Variants in RBFOX1 observed in about 807,000 individuals in gnomAD.
RBFOX1 encodes RNA binding fox-1 homolog 1.
In RBFOX1, 8 loss-of-function variants were observed where a neutral mutation model predicts 57.7. That is an observed-to-expected ratio of 0.14 (90% CI 0.08 to 0.25). RBFOX1 has a LOEUF of 0.25. Among genes scored for constraint, RBFOX1 ranks in the 10% least tolerant of loss-of-function variants. The probability of loss-of-function intolerance (pLI) is 1.00; values close to 1 mark genes in which losing one functional copy is unlikely to be tolerated. For missense variants in RBFOX1, 611 were observed against 548.5 expected, an observed-to-expected ratio of 1.11 and a Z score of -1.14; for synonymous variants, 326 against 222.4, an observed-to-expected ratio of 1.47 and a Z score of -4.15.
At chr16:5,897,016 C>CTATTTTTTTTT (rs2058182153) in intron 4 of RBFOX1, among the ~76,000 whole-genome samples, 7 of 56,460 alleles carry the variant, frequency 1.2e-4, no homozygotes, top group African/African-American at 5.4e-4. Context: ...TATCCATCCG[C>CTATTTTTTTTT]TTTTTTTTTT....
upstream of RBFOX1, among the ~76,000 whole-genome samples, chr16:6,015,471 T>C (rs537505608): frequency 2.0e-5 from 3 of 152,322 alleles, no homozygotes; most frequent in South Asian, 6.2e-4. Flanking sequence ...CCACTGCCTG[T>C]GGTAAAGCAA....
intron 4 of RBFOX1, among the ~76,000 whole-genome samples, chr16:7,078,572 C>A (rs1185309555): frequency 1.3e-5 from 2 of 151,824 alleles, no homozygotes; most frequent in African/African-American, 2.4e-5. Context: ...GGTCTCGAAA[C>A]CCTGGCCTCA....
intron 4 of RBFOX1, among the ~76,000 whole-genome samples, chr16:7,511,275 C>G (rs958666449): frequency 6.6e-6 from 1 of 152,220 alleles, no homozygotes; most frequent in Non-Finnish European, 1.5e-5. Flanking sequence ...CTGGCTACCA[C>G]TCTTGTTTCT....
At chr16:5,245,245 A>G (rs1358906441) in intron 1 of RBFOX1, among the ~76,000 whole-genome samples, 2 of 152,130 alleles carry the variant, frequency 1.3e-5, no homozygotes, top group Non-Finnish European at 2.9e-5. Context: ...TTACGGACCT[A>G]TCAGGTACTG....
At position 7,200,613 on chromosome 16, in the gene RBFOX1, C is replaced by T. The variant is rs570258420; in HGVS notation, c.27+148515C>T. Among the ~76,000 whole-genome samples, 22 of 152,146 alleles carry T rather than the reference C, an allele frequency of 1.4e-4. 1 individual carries two copies. Among genetic ancestry groups the T allele is most frequent in the Non-Finnish European group, 2.4e-4 (16 of 68,028 alleles). On this transcript the variant is annotated intron_variant, in intron 4 of 15. Transcript: ENST00000550418. Reference sequence around the variant, plus strand: ...AAACTGCCAGCTGTCTACCCAGTATCCCTTTATGCCTTCTTTTAAAGGAAT... The same window carrying T: ...AAACTGCCAGCTGTCTACCCAGTATTCCTTTATGCCTTCTTTTAAAGGAAT...
At chr16:5,877,554 G>T (rs189285141) in intron 4 of RBFOX1, among the ~76,000 whole-genome samples, 2 of 152,310 alleles carry the variant, frequency 1.3e-5, no homozygotes, top group Admixed American at 6.5e-5. Context: ...GGGCTTAGCC[G>T]AAGAGGGTTC....
At chr16:5,540,751 G>A (rs2044901980) in intron 2 of RBFOX1, among the ~76,000 whole-genome samples, 1 of 152,214 alleles carries the variant, frequency 6.6e-6, no homozygotes, top group African/African-American at 2.4e-5. Flanking sequence ...AGTATGGTCT[G>A]TGGACTAGCA....
chr16:7,706,049 C>T (rs1044207951), intron 14 of RBFOX1, among the ~76,000 whole-genome samples: 1 of 152,120 alleles, frequency 6.6e-6, no homozygotes, highest in Non-Finnish European at 1.5e-5. Context: ...TGTGCTCTGT[C>T]TCCGGGCTGT....
At chr16:7,028,314 G>A (rs1419025639) in intron 3 of RBFOX1, among the ~76,000 whole-genome samples, 4 of 152,044 alleles carry the variant, frequency 2.6e-5, no homozygotes, top group African/African-American at 9.7e-5. Flanking sequence ...GTATAAATGG[G>A]CTTCTGTGAA....
At chr16:6,612,007 G>GA (rs2098065191) in intron 2 of RBFOX1, among the ~76,000 whole-genome samples, 1 of 152,058 alleles carries the variant, frequency 6.6e-6, no homozygotes, top group Non-Finnish European at 1.5e-5. Context: ...TCCCCTTGAT[G>GA]AAAAAATTCC....
chr16:6,063,890 C>G (rs545386349), intron 1 of RBFOX1, among the ~76,000 whole-genome samples: 38 of 152,186 alleles, frequency 2.5e-4, no homozygotes, highest in Non-Finnish European at 3.1e-4. Context: ...CAAGATTTCT[C>G]TCTCCAGAAT....
chr16:5,317,647 A>G (rs1164547489), intron 1 of RBFOX1, among the ~76,000 whole-genome samples: 1 of 152,098 alleles, frequency 6.6e-6, no homozygotes, highest in Admixed American at 6.5e-5. Flanking sequence ...AAAGAAAAAG[A>G]AAAAAGCATC....
chr16:7,295,834 C>G (rs1189344916), intron 4 of RBFOX1, among the ~76,000 whole-genome samples: 1 of 152,118 alleles, frequency 6.6e-6, no homozygotes, highest in Non-Finnish European at 1.5e-5. Flanking sequence ...CTCTGGTGAT[C>G]CAACAAATTC....
intron 4 of RBFOX1, among the ~76,000 whole-genome samples, chr16:7,159,085 T>G (rs751497469): frequency 6.6e-6 from 1 of 151,998 alleles, no homozygotes; most frequent in Non-Finnish European, 1.5e-5. Context: ...TTCTATCATA[T>G]CAAGAATATT....
chr16:7,157,720 G>A (rs563686061), intron 4 of RBFOX1, among the ~76,000 whole-genome samples: 9 of 152,148 alleles, frequency 5.9e-5, no homozygotes, highest in African/African-American at 1.9e-4. Context: ...CTCATTTTGT[G>A]GTCACTGCAG....
intron 3 of RBFOX1, among the ~76,000 whole-genome samples, chr16:5,606,520 T>G (rs2047586541): frequency 6.6e-6 from 1 of 151,914 alleles, no homozygotes; most frequent in Non-Finnish European, 1.5e-5. Flanking sequence ...CATCTCTTCC[T>G]CATTCCACCC....
At chr16:6,491,898 G>A (rs1295075112) in intron 2 of RBFOX1, among the ~76,000 whole-genome samples, 1 of 152,122 alleles carries the variant, frequency 6.6e-6, no homozygotes, top group African/African-American at 2.4e-5. Flanking sequence ...AGAGATTTAT[G>A]TAGCTATAGG....
Position 7,579,961 on chromosome 16 carries a change from G to A in RBFOX1, c.414+41G>A, listed in dbSNP as rs546207942. ...CTTCCCAGCAGTGCCCGCTCTGGGG[G>A]TTCCAGAGACCTCCCTGTCTCATGT... On this transcript the variant is annotated intron_variant, in intron 6 of 15. Transcript: ENST00000550418. The A allele has an allele frequency of 1.9e-6, 3 of 1,601,362 alleles. No individual in the cohort carries two copies. In the African/African-American group the frequency reaches 4.0e-5, roughly 21 times the overall value.
intron 2 of RBFOX1, among the ~76,000 whole-genome samples, chr16:6,559,780 G>A (rs1331333172): frequency 6.6e-5 from 10 of 151,820 alleles, no homozygotes; most frequent in African/African-American, 1.2e-4. Flanking sequence ...TGTGCCAGGC[G>A]CTCTTCCTGC....
Sources: allele counts gnomAD v4.1 joint callset (sites outside exome capture counted in the v4.1 genomes callset), GRCh38; gene constraint gnomAD v4.1.1; transcripts MANE v1.5; gene names NCBI Gene and HGNC (gene_info 2026-07-23, HGNC 2026-07-21).